Variants in CLSTN2 observed in about 807,000 individuals in gnomAD.
CLSTN2 encodes calsyntenin 2.
Under a neutral mutation model 101.2 loss-of-function variants are expected in CLSTN2, and 48 were observed. The observed-to-expected ratio is 0.47, with a 90% confidence interval of 0.38 to 0.60. The LOEUF (loss-of-function observed/expected upper bound fraction) is 0.60. Ranked by LOEUF, CLSTN2 falls within the 20% of genes least tolerant of loss-of-function variation. The probability of loss-of-function intolerance (pLI) is 0.00; values close to 1 mark genes in which losing one functional copy is unlikely to be tolerated. For synonymous variants in CLSTN2, 481 were observed against 463.6 expected, an observed-to-expected ratio of 1.04 and a Z score of -0.48; for missense variants, 1,160 against 1,238.2, an observed-to-expected ratio of 0.94 and a Z score of 0.95.
At chr3:140,513,010 T>C (rs1434533119) in intron 8 of CLSTN2, among the ~76,000 whole-genome samples, 1 of 152,220 alleles carries the variant, frequency 6.6e-6, no homozygotes, top group African/African-American at 2.4e-5. Context: ...AAGATGCTTT[T>C]CAACTAAGAC....
At chr3:139,951,252 C>T (rs1457183393) in intron 1 of CLSTN2, among the ~76,000 whole-genome samples, 2 of 152,128 alleles carry the variant, frequency 1.3e-5, no homozygotes, top group Non-Finnish European at 2.9e-5. Context: ...CTCATATGTG[C>T]TTACAGGCCG....
chr3:140,450,844 ATG>A (rs1933230543), intron 6 of CLSTN2, among the ~76,000 whole-genome samples: 1 of 152,132 alleles, frequency 6.6e-6, no homozygotes, highest in Non-Finnish European at 1.5e-5. Context: ...TGATATTGTC[ATG>A]TTCCATTTTT....
chr3:140,393,918 T>G (rs1032695510), intron 2 of CLSTN2, among the ~76,000 whole-genome samples: 1 of 152,194 alleles, frequency 6.6e-6, no homozygotes, highest in African/African-American at 2.4e-5. Context: ...TTTCCAAGTG[T>G]TTTCATTGCT....
chr3:140,475,798 A>G (rs1209257390), intron 8 of CLSTN2, among the ~76,000 whole-genome samples: 1 of 152,244 alleles, frequency 6.6e-6, no homozygotes, highest in East Asian at 1.9e-4. Context: ...ATCTGCCCAG[A>G]GGCAATGAAT....
At chr3:140,190,438 C>CAAAAAAA (rs35206840) in intron 2 of CLSTN2, among the ~76,000 whole-genome samples, 1 of 82,966 alleles carries the variant, frequency 1.2e-5, no homozygotes, top group Admixed American at 1.4e-4. Context: ...TCTATAGCTA[C>CAAAAAAA]AAAAAAAAAA....
intron 10 of CLSTN2, among the ~76,000 whole-genome samples, chr3:140,550,826 C>CT (rs1416667763): frequency 6.6e-6 from 1 of 150,940 alleles, no homozygotes; most frequent in Non-Finnish European, 1.5e-5. Context: ...TTTTTATAAC[C>CT]TTTTTATAAC....
intron 1 of CLSTN2, among the ~76,000 whole-genome samples, chr3:140,046,970 T>C (rs2007894302): frequency 6.6e-6 from 1 of 151,978 alleles, no homozygotes; most frequent in African/African-American, 2.4e-5. Context: ...TTTTTGAACA[T>C]TTGCCTACCA....
chr3:140,507,498 G>A (rs953732823), intron 8 of CLSTN2: 1 of 152,180 alleles, frequency 6.6e-6, no homozygotes. Flanking sequence ...AGCAGGGGTA[G>A]GAGAAGGCAC....
chr3:140,085,528 C>T (rs2008667081), intron 1 of CLSTN2, among the ~76,000 whole-genome samples: 1 of 152,160 alleles, frequency 6.6e-6, no homozygotes, highest in Non-Finnish European at 1.5e-5. Context: ...GACATCTTCT[C>T]ACCTTTAATG....
At chr3:140,170,539 T>C (rs2010195515) in intron 1 of CLSTN2, among the ~76,000 whole-genome samples, 1 of 152,186 alleles carries the variant, frequency 6.6e-6, no homozygotes, top group African/African-American at 2.4e-5. Context: ...AAAGGGGTTG[T>C]TGTGAGGATT....
At chr3:139,975,129 G>C (rs1253784712) in intron 1 of CLSTN2, among the ~76,000 whole-genome samples, 1 of 152,210 alleles carries the variant, frequency 6.6e-6, no homozygotes, top group African/African-American at 2.4e-5. Flanking sequence ...TAGAGACAAA[G>C]CTGGGAGTGG....
intron 2 of CLSTN2, among the ~76,000 whole-genome samples, chr3:140,269,163 G>A (rs1192714223): frequency 3.3e-5 from 5 of 152,156 alleles, no homozygotes; most frequent in Non-Finnish European, 7.3e-5. Flanking sequence ...TAGTTAAGAG[G>A]AAGATTTTCC....
intron 5 of CLSTN2, among the ~76,000 whole-genome samples, chr3:140,442,644 G>A (rs926244435): frequency 1.3e-5 from 2 of 152,082 alleles, no homozygotes; most frequent in South Asian, 2.1e-4. Context: ...TGGATTGATC[G>A]AGGGGTGGCT....
chr3:140,048,241 T>A (rs1446658193), intron 1 of CLSTN2, among the ~76,000 whole-genome samples: 1 of 152,218 alleles, frequency 6.6e-6, no homozygotes, highest in Non-Finnish European at 1.5e-5. Flanking sequence ...CAATCTCTAG[T>A]GTAAACCCTA....
chr3:140,096,873 C>T (rs991945546), intron 1 of CLSTN2, among the ~76,000 whole-genome samples: 2 of 152,168 alleles, frequency 1.3e-5, no homozygotes, highest in African/African-American at 4.8e-5. Flanking sequence ...TGTGAAGAGA[C>T]ATGAAAGAGG....
intron 2 of CLSTN2, among the ~76,000 whole-genome samples, chr3:140,334,335 G>C (rs1285710748): frequency 2.0e-5 from 3 of 152,216 alleles, no homozygotes; most frequent in Non-Finnish European, 4.4e-5. Context: ...TCCCATGGCT[G>C]TGACCTGAGT....
chr3:140,184,989 C>G (rs2010466114), intron 2 of CLSTN2, among the ~76,000 whole-genome samples: 1 of 152,164 alleles, frequency 6.6e-6, no homozygotes, highest in African/African-American at 2.4e-5. Flanking sequence ...TGGCCCATAG[C>G]AATTCTGATA....
chr3:140,263,042 C>T (rs1373555946), intron 2 of CLSTN2, among the ~76,000 whole-genome samples: 1 of 151,824 alleles, frequency 6.6e-6, no homozygotes, highest in Non-Finnish European at 1.5e-5. Context: ...CCGTTCCCCA[C>T]ATCCCCCCCA....
chr3:140,101,866 A>G (rs938280058), intron 1 of CLSTN2, among the ~76,000 whole-genome samples: 5 of 152,202 alleles, frequency 3.3e-5, no homozygotes, highest in Admixed American at 3.3e-4. Flanking sequence ...AGTGCTGCTC[A>G]TGGTCCGCTG....
Sources: allele counts gnomAD v4.1 joint callset (sites outside exome capture counted in the v4.1 genomes callset), GRCh38; gene constraint gnomAD v4.1.1; transcripts MANE v1.5; gene names NCBI Gene and HGNC (gene_info 2026-07-23, HGNC 2026-07-21).